Variants in SAMD13 observed in about 807,000 individuals in gnomAD.
SAMD13 encodes the protein sterile alpha motif domain-containing protein 13.
Under a neutral mutation model 12.4 loss-of-function variants are expected in SAMD13, and 9 were observed. That is an observed-to-expected ratio of 0.72 (90% CI 0.44 to 1.26). The LOEUF (loss-of-function observed/expected upper bound fraction) is 1.26, where lower values mean the gene tolerates loss of function less well. Ranked by LOEUF, SAMD13 falls within the 50% of genes most tolerant of loss-of-function variation. The pLI, the probability that SAMD13 is intolerant of heterozygous loss-of-function variation, is 0.00. For missense variants in SAMD13, 84 were observed against 119.6 expected (o/e 0.70, Z 1.39); for synonymous variants, 46 against 45.4 (o/e 1.01, Z -0.05).
intron 2 of SAMD13, among the ~76,000 whole-genome samples, chr1:84,317,255 G>T (rs1182105718): frequency 1.3e-5 from 2 of 151,992 alleles, no homozygotes; most frequent in African/African-American, 4.8e-5. Context: ...AATAGAAGTG[G>T]CAAGAATGGG....
At chr1:84,334,411 G>T (rs1418252000) in intron 3 of SAMD13, among the ~76,000 whole-genome samples, 1 of 151,918 alleles carries the variant, frequency 6.6e-6, no homozygotes, top group East Asian at 1.9e-4. Context: ...TGTCCCCTTT[G>T]TCATTTCTGA....
At chr1:84,327,080 C>T (rs1375070952) in intron 3 of SAMD13, among the ~76,000 whole-genome samples, 1 of 152,148 alleles carries the variant, frequency 6.6e-6, no homozygotes, top group Non-Finnish European at 1.5e-5. Flanking sequence ...AGCAGTTTTA[C>T]TCCTGGGTAT....
At chr1:84,311,250 C>T (rs760443637) in intron 2 of SAMD13, among the ~76,000 whole-genome samples, 4 of 150,138 alleles carry the variant, frequency 2.7e-5, no homozygotes, top group Non-Finnish European at 5.9e-5. Flanking sequence ...GCAGGAGAAT[C>T]GCTTGAACCC....
intron 2 of SAMD13, among the ~76,000 whole-genome samples, chr1:84,311,332 T>C (rs1248349008): frequency 8.9e-6 from 1 of 112,248 alleles, no homozygotes; most frequent in East Asian, 2.9e-4. Context: ...TGAGACTGTC[T>C]AAAAAAAAAA....
At chr1:84,303,313 T>G (rs751063080) in intron 2 of SAMD13, 26 bp downstream of exon 2, 1 of 1,568,926 alleles carries the variant, frequency 6.4e-7, no homozygotes, top group Non-Finnish European at 8.8e-7. Flanking sequence ...TTCTGAGTTC[T>G]GCTTCTGCAA....
chr1:84,302,577 C>T (rs1028167089), intron 1 of SAMD13: 28 of 687,606 alleles, frequency 4.1e-5, no homozygotes, highest in Non-Finnish European at 4.6e-5. Context: ...CACACACACA[C>T]CAGCACCACC....
chr1:84,343,373 T>G (rs1332825994), intron 3 of SAMD13, among the ~76,000 whole-genome samples: 2 of 152,236 alleles, frequency 1.3e-5, no homozygotes, highest in African/African-American at 2.4e-5. Context: ...CAAAGGAATA[T>G]AAATCATTCT....
intron 3 of SAMD13, among the ~76,000 whole-genome samples, chr1:84,334,088 C>T (rs1679247641): frequency 6.6e-6 from 1 of 152,040 alleles, no homozygotes; most frequent in East Asian, 1.9e-4. Flanking sequence ...AAGGAGGAGT[C>T]CCTCCTCCTA....
rs1439438083 is a variant in SAMD13, at chr1:84,311,341, AAAAAAAAAAG to A, written c.53+8059_53+8068del. On this transcript the variant is annotated intron_variant, in intron 2 of 3. Coordinates refer to ENST00000394834, the MANE Select transcript of SAMD13 (RefSeq NM_001134663.2). ...ACAGAGTGAGACTGTCTAAAAAAAA[AAAAAAAAAAG>A]AAAAGAAAAGAAAAGAAAAAGAAAA... Among the ~76,000 whole-genome samples the A allele has an allele frequency of 7.9e-3, 1,189 of 151,288 alleles. 12 individuals carry two copies. The highest frequency in any genetic ancestry group is 0.025 in the African/African-American group (1,030 of 41,176).
At chr1:84,304,844 A>G (rs1310593841) in intron 2 of SAMD13, among the ~76,000 whole-genome samples, 2 of 152,134 alleles carry the variant, frequency 1.3e-5, no homozygotes, top group African/African-American at 4.8e-5. Flanking sequence ...GTGTATATCA[A>G]TATATCATTA....
At chr1:84,332,845 GA>G (rs1315962005) in intron 3 of SAMD13, among the ~76,000 whole-genome samples, 28 of 152,174 alleles carry the variant, frequency 1.8e-4, no homozygotes, top group African/African-American at 6.0e-4. Context: ...TATCTTCCAG[GA>G]TTTTTATACT....
intron 2 of SAMD13, among the ~76,000 whole-genome samples, chr1:84,305,346 A>G (rs925420896): frequency 2.0e-5 from 3 of 151,984 alleles, no homozygotes; most frequent in African/African-American, 7.2e-5. Flanking sequence ...CCATATTTGT[A>G]TCGGGTTTTT....
intron 3 of SAMD13, among the ~76,000 whole-genome samples, chr1:84,335,759 G>A (rs1169274506): frequency 6.6e-6 from 1 of 152,126 alleles, no homozygotes; most frequent in African/African-American, 2.4e-5. Context: ...AATTCCCTTA[G>A]CATTTGCTTG....
chr1:84,317,580 C>A (rs1678862736), intron 2 of SAMD13, among the ~76,000 whole-genome samples: 1 of 152,000 alleles, frequency 6.6e-6, no homozygotes, highest in Non-Finnish European at 1.5e-5. Flanking sequence ...TTTTAACATA[C>A]TGTTGAATTC....
intron 2 of SAMD13, among the ~76,000 whole-genome samples, chr1:84,310,299 A>C (rs1034723515): frequency 3.6e-4 from 55 of 152,118 alleles, no homozygotes; most frequent in African/African-American, 1.3e-3. Flanking sequence ...TCTGGGCCAC[A>C]TTGGAAGAAG....
At chr1:84,327,292 A>G (rs1679079410) in intron 3 of SAMD13, among the ~76,000 whole-genome samples, 1 of 152,220 alleles carries the variant, frequency 6.6e-6, no homozygotes, top group Non-Finnish European at 1.5e-5. Flanking sequence ...AGCCATTTGC[A>G]TGAGTCTCAA....
At chr1:84,330,164 A>G (rs556009832) in intron 3 of SAMD13, among the ~76,000 whole-genome samples, 2 of 152,290 alleles carry the variant, frequency 1.3e-5, no homozygotes, top group South Asian at 4.1e-4. Context: ...TGGTTAGTGG[A>G]TGGTCCTGGA....
intron 2 of SAMD13, among the ~76,000 whole-genome samples, chr1:84,320,930 A>G (rs942715715): frequency 1.3e-5 from 2 of 152,202 alleles, no homozygotes; most frequent in African/African-American, 2.4e-5. Flanking sequence ...AACTCTCAGC[A>G]TCCATAATGT....
chr1:84,326,895 T>G (rs1226583595), intron 3 of SAMD13, among the ~76,000 whole-genome samples: 1 of 152,186 alleles, frequency 6.6e-6, no homozygotes, highest in Non-Finnish European at 1.5e-5. Flanking sequence ...AAGTATTTTT[T>G]TCCTAATTTG....
Sources: gnomAD v4.1 joint callset for allele counts (sites outside exome capture counted in the v4.1 genomes callset) on GRCh38, gnomAD v4.1.1 for gene constraint, MANE v1.5 for transcripts, NCBI Gene and HGNC (gene_info 2026-07-23, HGNC 2026-07-21) for gene names.